The following PTPRD variants were observed in gnomAD, a reference collection of about 807,000 sequenced individuals.
PTPRD encodes the protein receptor-type tyrosine-protein phosphatase delta.
Under a neutral mutation model 214.5 loss-of-function variants are expected in PTPRD, and 34 were observed. The ratio of observed to expected loss-of-function variants is 0.16; its 90% CI spans 0.12 to 0.21. The LOEUF (loss-of-function observed/expected upper bound fraction) is 0.21, where lower values mean the gene tolerates loss of function less well. Ranked by LOEUF, PTPRD falls within the 10% of genes least tolerant of loss-of-function variation. PTPRD has a pLI of 1.00. For synonymous variants in PTPRD, 1,128 were observed against 845.7 expected, an observed-to-expected ratio of 1.33 and a Z score of -5.79; for missense variants, 2,545 against 2,398.7, an observed-to-expected ratio of 1.06 and a Z score of -1.27.
chr9:9,113,874 A>G lies in PTPRD; in HGVS notation c.-143+69430T>C, dbSNP rs887383155. ...CTCAGTTCTCTTTATAGATAGCAATATGCTATAGTAAGGTATCAACTGGCT... is the reference window on the plus strand; with the variant it reads ...CTCAGTTCTCTTTATAGATAGCAATGTGCTATAGTAAGGTATCAACTGGCT... On this transcript the variant is annotated intron_variant, in intron 10 of 45. Coordinates refer to ENST00000381196, the MANE Select transcript of PTPRD (RefSeq NM_002839.4). Among the ~76,000 whole-genome samples the G allele has an allele frequency of 7.2e-5, 11 of 152,190 alleles. 1 individual carries two copies. The highest frequency in any genetic ancestry group is 2.7e-4 in the African/African-American group (11 of 41,460).
chr9:9,212,276 A>G (rs963601859), intron 9 of PTPRD, among the ~76,000 whole-genome samples: 5 of 152,158 alleles, frequency 3.3e-5, no homozygotes, highest in African/African-American at 4.8e-5. Context: ...AATTATTGCC[A>G]TAAGACTAAG....
chr9:8,387,243 T>A (rs1008478954), intron 37 of PTPRD, among the ~76,000 whole-genome samples: 1 of 151,722 alleles, frequency 6.6e-6, no homozygotes, highest in African/African-American at 2.4e-5. Flanking sequence ...CTGAGGGGAG[T>A]TGGGGGAGAA....
chr9:8,728,667 T>A (rs968347308), intron 12 of PTPRD, among the ~76,000 whole-genome samples: 1 of 152,236 alleles, frequency 6.6e-6, no homozygotes, highest in African/African-American at 2.4e-5. Context: ...TTCAACATCA[T>A]CATTTTCCTA....
At chr9:9,554,059 C>T (rs1226345652) in intron 8 of PTPRD, among the ~76,000 whole-genome samples, 1 of 151,906 alleles carries the variant, frequency 6.6e-6, no homozygotes, top group East Asian at 1.9e-4. Context: ...TATGGATGGG[C>T]TAGAAAAGTT....
At chr9:9,496,240 G>C (rs890582609) in intron 8 of PTPRD, among the ~76,000 whole-genome samples, 1 of 152,012 alleles carries the variant, frequency 6.6e-6, no homozygotes, top group Non-Finnish European at 1.5e-5. Context: ...CTTTAAAATT[G>C]TACAGCAAAA....
chr9:8,752,743 A>G (rs7873178), intron 11 of PTPRD, among the ~76,000 whole-genome samples: 8,753 of 152,064 alleles, frequency 0.058, 648 homozygotes, highest in African/African-American at 0.17. Flanking sequence ...TCCCCAGAAG[A>G]CCTGACAGCT....
At chr9:8,829,344 G>C (rs781589652) in intron 11 of PTPRD, among the ~76,000 whole-genome samples, 3 of 152,040 alleles carry the variant, frequency 2.0e-5, no homozygotes, top group Admixed American at 6.6e-5. Context: ...TGTCACTATA[G>C]ATTAGTTTTA....
At chr9:10,081,249 C>G (rs1030155170) in intron 3 of PTPRD, among the ~76,000 whole-genome samples, 5 of 151,992 alleles carry the variant, frequency 3.3e-5, no homozygotes, top group Non-Finnish European at 7.4e-5. Flanking sequence ...TAGCAGTGTG[C>G]TTGTTCAAGA....
At chr9:9,351,707 T>C (rs1302816745) in intron 9 of PTPRD, among the ~76,000 whole-genome samples, 1 of 152,046 alleles carries the variant, frequency 6.6e-6, no homozygotes, top group Non-Finnish European at 1.5e-5. Flanking sequence ...TTGTGACATA[T>C]TGTCTTAAAA....
chr9:10,556,402 T>C (rs1355305917), intron 2 of PTPRD, among the ~76,000 whole-genome samples: 2 of 152,102 alleles, frequency 1.3e-5, no homozygotes, highest in Admixed American at 1.3e-4. Flanking sequence ...AAACAGTGTT[T>C]TTCCATGACA....
intron 11 of PTPRD, among the ~76,000 whole-genome samples, chr9:8,824,094 T>C (rs1439306272): frequency 6.6e-6 from 1 of 152,208 alleles, no homozygotes; most frequent in Non-Finnish European, 1.5e-5. Context: ...TGGTGGGTTT[T>C]GGCTGGCTCC....
At chr9:9,608,392 T>C (rs893624667) in intron 7 of PTPRD, among the ~76,000 whole-genome samples, 3 of 152,196 alleles carry the variant, frequency 2.0e-5, no homozygotes, top group Non-Finnish European at 4.4e-5. Context: ...ACTAAAAGTT[T>C]TTAAATCTAG....
At chr9:10,279,131 T>A (rs1173042355) in intron 3 of PTPRD, among the ~76,000 whole-genome samples, 2 of 152,030 alleles carry the variant, frequency 1.3e-5, no homozygotes, top group African/African-American at 4.8e-5. Flanking sequence ...TCTCTTTGGA[T>A]AATCAATCAT....
intron 2 of PTPRD, among the ~76,000 whole-genome samples, chr9:10,584,617 A>T (rs1165513180): frequency 6.6e-6 from 1 of 151,980 alleles, no homozygotes; most frequent in Non-Finnish European, 1.5e-5. Flanking sequence ...TACAAGCACC[A>T]TTTTTCCTCT....
intron 7 of PTPRD, among the ~76,000 whole-genome samples, chr9:9,714,078 G>C (rs1050947657): frequency 1.8e-5 from 2 of 112,978 alleles, no homozygotes; most frequent in Non-Finnish European, 1.7e-5. Context: ...ACAAGATGTT[G>C]TTCACTTGCG....
intron 4 of PTPRD, among the ~76,000 whole-genome samples, chr9:9,953,870 A>T (rs971223092): frequency 6.6e-6 from 1 of 152,156 alleles, no homozygotes; most frequent in African/African-American, 2.4e-5. Flanking sequence ...TTTGGCATAC[A>T]CACACTCAAT....
chr9:9,844,945 C>T (rs898132999), intron 5 of PTPRD, among the ~76,000 whole-genome samples: 28 of 150,536 alleles, frequency 1.9e-4, no homozygotes, highest in South Asian at 6.3e-4. Flanking sequence ...ATAACTTGGA[C>T]GGTCTATTTT....
intron 4 of PTPRD, among the ~76,000 whole-genome samples, chr9:9,974,116 C>G (rs1303133848): frequency 6.6e-6 from 1 of 152,162 alleles, no homozygotes; most frequent in East Asian, 1.9e-4. Context: ...ACATCTTTAA[C>G]TTGCAGAATA....
intron 2 of PTPRD, among the ~76,000 whole-genome samples, chr9:10,533,156 CCAT>C (rs1362059808): frequency 1.1e-4 from 16 of 152,078 alleles, no homozygotes; most frequent in Non-Finnish European, 5.9e-5. Context: ...TACACAGGTT[CCAT>C]TCCTGCTTTC....
Sources: allele counts gnomAD v4.1 joint callset (sites outside exome capture counted in the v4.1 genomes callset), GRCh38; gene constraint gnomAD v4.1.1; transcripts MANE v1.5; gene names NCBI Gene and HGNC (gene_info 2026-07-23, HGNC 2026-07-21).